TUT7: variants seen among roughly 807,000 people sequenced by gnomAD.
TUT7 encodes terminal uridylyl transferase 7.
Under a neutral mutation model 165.9 loss-of-function variants are expected in TUT7, and 33 were observed. The ratio of observed to expected loss-of-function variants is 0.20; its 90% CI spans 0.15 to 0.27. The LOEUF is 0.27. TUT7 is among the 10% of genes least tolerant of loss of function. TUT7 has a pLI of 1.00. For synonymous variants in TUT7, 552 were observed against 608.1 expected (o/e 0.91, Z 1.36); for missense variants, 1,338 against 1,762.3 (o/e 0.76, Z 4.31).
intron 10 of TUT7, among the ~76,000 whole-genome samples, chr9:86,335,070 T>A (rs1439067093): frequency 1.3e-5 from 2 of 152,218 alleles, no homozygotes; most frequent in Non-Finnish European, 2.9e-5. Flanking sequence ...ACACCATAAG[T>A]GGAACTTGAC....
Position 86,323,673 on chromosome 9 carries a change from G to C in TUT7, c.2077C>G (p.Gln693Glu). 6.2e-7 allele frequency: 1 copy of C among 1,614,196 alleles called. No individual in the cohort carries two copies. The highest frequency in any genetic ancestry group is 8.5e-7 in the Non-Finnish European group (1 of 1,180,012). The change falls in exon 13 of 27, where the codon CAG becomes GAG. Residue 693 changes from glutamine (Q) to glutamate (E), a missense_variant. Physicochemically the swap from Gln to Glu is conservative, Grantham distance 29 (BLOSUM62 2). Transcript: ENST00000375963. ...TSSAANTCKV[Q>E]PLTLKETAES... is the part of the protein sequence containing the mutation. ...GCAGTCTCTTTAAGAGTAAGTGGCT[G>C]TACCTTACAGGTATTTGCAGCTGAA...
chr9:86,320,785 T>G (rs1316923615), intron 14 of TUT7, among the ~76,000 whole-genome samples: 1 of 152,128 alleles, frequency 6.6e-6, no homozygotes, highest in Admixed American at 6.6e-5. Flanking sequence ...TTTTACCCTC[T>G]CTTCCAACGA....
In TUT7 at chr9:86,331,808, A is replaced by C. The variant is rs80269394; in HGVS notation, c.1456-3316T>G. ...AGAATTTTTGCATAGCCCTATCAAC[A>C]GAGTAAACAGACAACCTACAGAATG... On this transcript the variant is annotated intron_variant, in intron 10 of 26. Transcript: ENST00000375963. 8.5e-5 allele frequency among the ~76,000 whole-genome samples: 13 copies of C among 152,338 alleles called. No homozygotes were observed. In the East Asian group the frequency reaches 1.5e-3, roughly 18 times the overall value.
chr9:86,333,797 C>T (rs529568116), intron 10 of TUT7, among the ~76,000 whole-genome samples: 3 of 152,014 alleles, frequency 2.0e-5, no homozygotes, highest in Non-Finnish European at 2.9e-5. Flanking sequence ...AAGCTAGACA[C>T]GATGTACTGG....
intron 10 of TUT7, among the ~76,000 whole-genome samples, chr9:86,332,830 G>C (rs1223243115): frequency 3.9e-5 from 6 of 152,128 alleles, no homozygotes; most frequent in Non-Finnish European, 7.3e-5. Flanking sequence ...TGTCCACTCA[G>C]ACAAAATTTC....
intron 3 of TUT7, 36 bp downstream of exon 3, chr9:86,346,263 G>C (rs1357847444): frequency 6.3e-7 from 1 of 1,584,630 alleles, no homozygotes; most frequent in African/African-American, 1.4e-5. Flanking sequence ...CTAAAACCAG[G>C]ATTCTAACCA....
At chr9:86,353,512 TA>T (rs1331024689) in intron 1 of TUT7, among the ~76,000 whole-genome samples, 1 of 152,210 alleles carries the variant, frequency 6.6e-6, no homozygotes, top group Non-Finnish European at 1.5e-5. Context: ...AACTGTAGCA[TA>T]GTAGAATATT....
intron 12 of TUT7, 65 bp from the exon 13 acceptor site, chr9:86,324,025 A>T: frequency 7.8e-7 from 1 of 1,282,154 alleles, no homozygotes; most frequent in African/African-American, 1.5e-5. Flanking sequence ...TTCATGTTTT[A>T]AAAATTAGCC....
intron 22 of TUT7, among the ~76,000 whole-genome samples, chr9:86,308,151 T>C (rs1587882514): frequency 6.6e-6 from 1 of 152,184 alleles, no homozygotes; most frequent in Non-Finnish European, 1.5e-5. Context: ...AGGAAGGTTG[T>C]AGAAGTCCCA....
At chr9:86,306,683 T>C (rs1470803455) in intron 22 of TUT7, among the ~76,000 whole-genome samples, 1 of 152,028 alleles carries the variant, frequency 6.6e-6, no homozygotes, top group Non-Finnish European at 1.5e-5. Context: ...GGTGTGTGCC[T>C]GTAGTCCCAG....
At chr9:86,319,761 C>T (rs1829063859) in intron 14 of TUT7, 91 bp from the exon 15 acceptor site, 2 of 826,852 alleles carry the variant, frequency 2.4e-6, no homozygotes, top group Non-Finnish European at 3.8e-6. Context: ...GAAAATAAAA[C>T]TTACAAGCTT....
intron 9 of TUT7, among the ~76,000 whole-genome samples, chr9:86,338,483 A>G (rs996692437): frequency 2.6e-5 from 4 of 152,220 alleles, no homozygotes; most frequent in Admixed American, 1.3e-4. Flanking sequence ...GTTATTGGAC[A>G]TGATATGAGA....
intron 10 of TUT7, among the ~76,000 whole-genome samples, chr9:86,334,000 G>A (rs1322264433): frequency 1.3e-5 from 2 of 152,166 alleles, no homozygotes; most frequent in Non-Finnish European, 1.5e-5. Flanking sequence ...GATCCCTGGA[G>A]AGGGGAAACA....
Position 86,345,748 on chromosome 9 carries a change from C to T in TUT7, c.740G>A (p.Arg247Lys). ...GGATTCAATTAAAACATCACAGAGT[C>T]TGCAGGTGTACTTTGCTGTAGGGTA... ...RNYPTAKYTC[R>K]LCDVLIESIA... The change falls in exon 4 of 27, where the codon AGA (arginine) becomes AAA (lysine). Residue 247 changes from arginine (R) to lysine (K), a missense_variant. Arg to Lys is a conservative substitution (Grantham distance 26). Around this residue, in one of 7 missense-constraint regions of TUT7, gnomAD observed 434 missense variants for 480.8 expected, o/e 0.90. Coordinates refer to ENST00000375963, the MANE Select transcript of TUT7 (RefSeq NM_024617.4). 1 of 1,613,544 alleles carries T rather than the reference C, an allele frequency of 6.2e-7. No individual in the cohort carries two copies. Among genetic ancestry groups the T allele is most frequent in the Non-Finnish European group, 8.5e-7 (1 of 1,179,718 alleles).
chr9:86,331,373 GT>G (rs1830298389), intron 10 of TUT7, among the ~76,000 whole-genome samples: 1 of 152,188 alleles, frequency 6.6e-6, no homozygotes, highest in African/African-American at 2.4e-5. Flanking sequence ...GGTCAAGGCG[GT>G]TGATATGATG....
intron 17 of TUT7, among the ~76,000 whole-genome samples, chr9:86,315,086 A>G (rs1828574563): frequency 6.6e-6 from 1 of 152,234 alleles, no homozygotes; most frequent in Admixed American, 6.5e-5. Context: ...CTCTTAAGAT[A>G]TGGAAGCTTT....
chr9:86,308,760 A>G (rs1471454436), intron 21 of TUT7, among the ~76,000 whole-genome samples, 154 bp from the exon 22 acceptor site: 1 of 152,256 alleles, frequency 6.6e-6, no homozygotes, highest in African/African-American at 2.4e-5. Flanking sequence ...CATAATTTAC[A>G]TAAGTTTATT....
intron 2 of TUT7, among the ~76,000 whole-genome samples, chr9:86,352,330 A>G (rs1409011581): frequency 2.0e-5 from 3 of 152,226 alleles, no homozygotes; most frequent in Non-Finnish European, 4.4e-5. Context: ...ACAAAATTAT[A>G]ATCACAATTT....
rs1831757433 is a variant in TUT7 at position 86,346,320 on chromosome 9, G to C, written c.681C>G (p.Asp227Glu). The C allele has an allele frequency of 6.2e-7, 1 of 1,613,574 alleles. No individual in the cohort carries two copies. Among genetic ancestry groups the C allele is most frequent in the African/African-American group, 1.3e-5 (1 of 74,892 alleles). ...LQQAEERLKR[D>E]CIDRLKRRPR... ...TTACCCTTTTTAGCCTGTCAATGCA[G>C]TCTCTCTTCAGTCTCTCCTCAGCCT... Residue 227 changes from aspartate (D) to glutamate (E), a missense_variant, in exon 3 of 27, where the codon GAC becomes GAG. Asp to Glu is a conservative substitution (Grantham distance 45). Coordinates refer to ENST00000375963, the MANE Select transcript of TUT7 (RefSeq NM_024617.4).
Sources: allele counts gnomAD v4.1 joint callset (sites outside exome capture counted in the v4.1 genomes callset), GRCh38; gene constraint gnomAD v4.1.1; regional missense constraint gnomAD v4.1.1; transcripts MANE v1.5; gene names NCBI Gene and HGNC (gene_info 2026-07-23, HGNC 2026-07-21).